Variants in JAK2 observed in about 807,000 individuals in gnomAD.
JAK2 encodes tyrosine-protein kinase JAK2.
A neutral mutation model predicts 139.3 loss-of-function variants in JAK2; 86 were observed. The ratio of observed to expected loss-of-function variants is 0.62; its 90% CI spans 0.52 to 0.74. The LOEUF is 0.74. Among genes scored for constraint, JAK2 ranks in the 30% least tolerant of loss-of-function variants. JAK2 has a pLI of 0.00. For missense variants in JAK2, 1,421 were observed against 1,360.3 expected, an observed-to-expected ratio of 1.04 and a Z score of -0.70; for synonymous variants, 490 against 437.7, an observed-to-expected ratio of 1.12 and a Z score of -1.49.
At chr9:5,005,781 G>T (rs1821258811) in intron 2 of JAK2, among the ~76,000 whole-genome samples, 1 of 152,142 alleles carries the variant, frequency 6.6e-6, no homozygotes, top group Non-Finnish European at 1.5e-5. Context: ...AAGTCACTGG[G>T]CATTACATTT....
intron 22 of JAK2, among the ~76,000 whole-genome samples, chr9:5,104,256 C>T (rs1005314022): frequency 2.0e-5 from 3 of 152,168 alleles, no homozygotes; most frequent in Non-Finnish European, 4.4e-5. Flanking sequence ...CACAGAAATA[C>T]AAACTACCAT....
intron 22 of JAK2, among the ~76,000 whole-genome samples, chr9:5,119,582 T>G (rs1823461102): frequency 6.6e-6 from 1 of 152,040 alleles, no homozygotes; most frequent in Non-Finnish European, 1.5e-5. Context: ...AATTTCTCAT[T>G]ACTTAATTTG....
chr9:5,082,875 G>A (rs1320015420), intron 19 of JAK2, among the ~76,000 whole-genome samples: 3 of 152,236 alleles, frequency 2.0e-5, no homozygotes, highest in African/African-American at 7.2e-5. Flanking sequence ...TTGGGGCAAA[G>A]TTACAGATTA....
chr9:5,107,149 G>A (rs894022477), intron 22 of JAK2, among the ~76,000 whole-genome samples: 3 of 151,996 alleles, frequency 2.0e-5, no homozygotes, highest in Non-Finnish European at 4.4e-5. Flanking sequence ...CTACTGATGA[G>A]GATCCTACTC....
intron 22 of JAK2, chr9:5,110,173 T>A (rs538528356): frequency 6.6e-6 from 1 of 152,346 alleles, no homozygotes; most frequent in South Asian, 2.1e-4. Flanking sequence ...CCATCCGCCA[T>A]AGAAGGCCCA....
chr9:5,102,934 A>C (rs993712696), intron 22 of JAK2, among the ~76,000 whole-genome samples: 5 of 152,200 alleles, frequency 3.3e-5, no homozygotes, highest in Non-Finnish European at 2.9e-5. Context: ...CAGCCACTGC[A>C]AAAACATACC....
chr9:5,050,531 A>G (rs1817342634), intron 5 of JAK2, among the ~76,000 whole-genome samples, 155 bp from the exon 6 acceptor site: 1 of 152,196 alleles, frequency 6.6e-6, no homozygotes, highest in Non-Finnish European at 1.5e-5. Context: ...TTGGCCTCCC[A>G]AAGTTCTGGG....
rs1379044020 is a variant in JAK2, at chr9:5,090,522, A to G, written c.2838A>G (p.Glu946=). 1 of 1,596,052 alleles carries G rather than the reference A, an allele frequency of 6.3e-7. No individual in the cohort carries two copies. Among genetic ancestry groups the G allele is most frequent in the East Asian group, 2.3e-5 (1 of 44,410 alleles). The change falls in exon 21 of 25, where the codon GAA becomes GAG. Residue 946 remains glutamate, a synonymous_variant. Transcript: ENST00000381652. ...SLRDYLQKHK[E]RIDHIKLLQY... is the part of the protein sequence containing the mutation. The stretch of plus-strand genomic sequence containing the variant: ...GAGACTATCTTCAAAAACATAAAGA[A>G]CGGATAGATCACATAAAACTTCTGC...
chr9:5,043,660 G>A (rs1254436759), intron 4 of JAK2, among the ~76,000 whole-genome samples: 2 of 152,106 alleles, frequency 1.3e-5, no homozygotes, highest in East Asian at 1.9e-4. Context: ...TCATACTAGC[G>A]TTATTCACAA....
intron 8 of JAK2, among the ~76,000 whole-genome samples, chr9:5,061,516 G>A (rs1448336587): frequency 6.6e-6 from 1 of 152,120 alleles, no homozygotes; most frequent in African/African-American, 2.4e-5. Flanking sequence ...ACCAACCTCT[G>A]CTAGCTTCCA....
intron 22 of JAK2, among the ~76,000 whole-genome samples, chr9:5,107,607 C>T (rs547618900): frequency 6.6e-6 from 1 of 152,232 alleles, no homozygotes; most frequent in South Asian, 2.1e-4. Context: ...GATTTCGATT[C>T]ATTAGATTAT....
intron 2 of JAK2, among the ~76,000 whole-genome samples, chr9:5,010,398 G>A (rs1464711008): frequency 6.6e-6 from 1 of 151,484 alleles, no homozygotes; most frequent in African/African-American, 2.4e-5. Context: ...GACCTCCGTT[G>A]CAACCTCTGC....
chr9:5,126,270 A>G, intron 23 of JAK2, 63 bp from the exon 24 acceptor site: 1 of 1,209,224 alleles, frequency 8.3e-7, no homozygotes, highest in Non-Finnish European at 1.2e-6. Context: ...ACTGGAGGAA[A>G]TTGAGAAAGA....
intron 2 of JAK2, among the ~76,000 whole-genome samples, chr9:5,017,050 CAAACAAGTTTT>C: frequency 6.6e-6 from 1 of 152,244 alleles, no homozygotes; most frequent in East Asian, 1.9e-4. Flanking sequence ...GCTGCTAATG[CAAACAAGTTTT>C]AAACTACTTG....
At chr9:5,078,927 G>C (rs1287815451) in intron 16 of JAK2, among the ~76,000 whole-genome samples, 1 of 152,094 alleles carries the variant, frequency 6.6e-6, no homozygotes, top group Admixed American at 6.5e-5. Context: ...AACACAGTGG[G>C]TTAAAAATAC....
chr9:5,070,474 G>A (rs1009870743), intron 12 of JAK2, among the ~76,000 whole-genome samples: 8 of 152,064 alleles, frequency 5.3e-5, no homozygotes, highest in Non-Finnish European at 1.2e-4. Flanking sequence ...AAAATCTGAG[G>A]ATACTTAAGT....
At chr9:5,035,472 CA>C (rs1311621892) in intron 4 of JAK2, among the ~76,000 whole-genome samples, 2 of 152,126 alleles carry the variant, frequency 1.3e-5, no homozygotes, top group Non-Finnish European at 2.9e-5. Context: ...AACATTGATG[CA>C]AAAATCCTCA....
intron 22 of JAK2, chr9:5,096,650 A>C (rs929811306): frequency 6.6e-5 from 10 of 152,074 alleles, no homozygotes; most frequent in Non-Finnish European, 1.3e-4. Flanking sequence ...CAGCCATTTT[A>C]CCCTTTTTTC....
At chr9:5,101,498 C>A (rs563118313) in intron 22 of JAK2, among the ~76,000 whole-genome samples, 2 of 152,376 alleles carry the variant, frequency 1.3e-5, no homozygotes, top group South Asian at 2.1e-4. Flanking sequence ...ACTTAAACGT[C>A]CCTGTCTGAC....
Sources: gnomAD v4.1 joint callset for allele counts (sites outside exome capture counted in the v4.1 genomes callset) on GRCh38, gnomAD v4.1.1 for gene constraint, MANE v1.5 for transcripts, NCBI Gene and HGNC (gene_info 2026-07-23, HGNC 2026-07-21) for gene names.